Variants in CD38 observed in about 807,000 individuals in gnomAD.
The protein encoded by CD38 is CD38 molecule.
In CD38, 31 loss-of-function variants were observed where a neutral mutation model predicts 36.3. The ratio of observed to expected loss-of-function variants is 0.85; its 90% CI spans 0.64 to 1.15. CD38 has a LOEUF of 1.15. Among genes scored for constraint, CD38 ranks in the 50% most tolerant of loss-of-function variants. The pLI, the probability that CD38 is intolerant of heterozygous loss-of-function variation, is 0.00. For synonymous variants in CD38, 131 were observed against 135.2 expected, an observed-to-expected ratio of 0.97 and a Z score of 0.22; for missense variants, 380 against 371.9, an observed-to-expected ratio of 1.02 and a Z score of -0.18.
intron 1 of CD38, among the ~76,000 whole-genome samples, chr4:15,805,412 C>T (rs975015777): frequency 1.3e-5 from 2 of 152,108 alleles, no homozygotes; most frequent in African/African-American, 4.8e-5. Context: ...TTTAATGCCA[C>T]CCTATTTAAT....
intron 4 of CD38, among the ~76,000 whole-genome samples, chr4:15,834,507 C>T (rs1164744175): frequency 1.3e-5 from 2 of 152,206 alleles, no homozygotes; most frequent in South Asian, 4.1e-4. Flanking sequence ...GGTCCATGGG[C>T]TCCAGTTGCA....
rs1297481310 is a variant in CD38, at chr4:15,851,138, GA to G, written c.*2537del. 6.6e-6 allele frequency: 1 copy of G among 152,362 alleles called. No homozygotes were observed. The highest frequency in any genetic ancestry group is 1.5e-5 in the Non-Finnish European group (1 of 68,214). 9.4% of individuals were successfully genotyped at this position (152,362 alleles called of 1,614,324 possible). A position where few individuals can be genotyped will look rare whatever the true frequency, so the allele number is the denominator to read the frequency against. ...GGTCCCAGGGAGCCACAGAGGTGGT[GA>G]GGGGCTGGGTGCTCTTTTCTCCGTG... On this transcript the variant is annotated 3_prime_UTR_variant, in exon 8 of 8. Transcript: ENST00000226279.
At chr4:15,785,898 G>A (rs765053970) in intron 1 of CD38, among the ~76,000 whole-genome samples, 28 of 152,112 alleles carry the variant, frequency 1.8e-4, no homozygotes, top group East Asian at 1.9e-4. Flanking sequence ...GGACATGTTC[G>A]GAGTTTCTTC....
At chr4:15,825,249 AG>A (rs1723823337) in intron 3 of CD38, 1 of 447,172 alleles carries the variant, frequency 2.2e-6, no homozygotes, top group Admixed American at 3.8e-5. Flanking sequence ...TACAAGAAGT[AG>A]GGTACCAGCA....
At chr4:15,800,462 A>G (rs1487653699) in intron 1 of CD38, among the ~76,000 whole-genome samples, 1 of 152,192 alleles carries the variant, frequency 6.6e-6, no homozygotes, top group Non-Finnish European at 1.5e-5. Context: ...CCTTGTTAAC[A>G]TTTGGTATTG....
At chr4:15,780,327 T>G (rs1722663331) in intron 1 of CD38, among the ~76,000 whole-genome samples, 1 of 152,168 alleles carries the variant, frequency 6.6e-6, no homozygotes, top group Non-Finnish European at 1.5e-5. Context: ...TTTTCAACTT[T>G]TTTACTTAAG....
intron 1 of CD38, among the ~76,000 whole-genome samples, chr4:15,785,521 C>T (rs1336266663): frequency 6.8e-6 from 1 of 147,756 alleles, no homozygotes; most frequent in Non-Finnish European, 1.5e-5. Context: ...GGTGTTCAGC[C>T]TGGAGAACGT....
intron 1 of CD38, among the ~76,000 whole-genome samples, chr4:15,812,007 G>A (rs1445171587): frequency 6.6e-6 from 1 of 152,156 alleles, no homozygotes; most frequent in African/African-American, 2.4e-5. Context: ...GGCAGGAGAG[G>A]AATTTTTCTT....
chr4:15,786,867 C>T (rs1312008097), intron 1 of CD38, among the ~76,000 whole-genome samples: 1 of 152,240 alleles, frequency 6.6e-6, no homozygotes, highest in Non-Finnish European at 1.5e-5. Context: ...CTACAGGTCC[C>T]AAGCCCTGCC....
chr4:15,781,060 A>G lies in CD38; in HGVS notation c.233+2413A>G, dbSNP rs964184484. ...GAGGAGGAGGTAGCACTGAACCAAG[A>G]TCCAGCCTGGCCAAGAGAGTAAGAC... On this transcript the variant is annotated intron_variant, in intron 1 of 7. Coordinates refer to ENST00000226279, the MANE Select transcript of CD38 (RefSeq NM_001775.4). 8.5e-5 allele frequency among the ~76,000 whole-genome samples: 13 copies of G among 152,282 alleles called. 1 individual carries two copies. Among genetic ancestry groups the G allele is most frequent in the Admixed American group, 4.6e-4 (7 of 15,298 alleles).
chr4:15,825,418 G>A (rs993856554), intron 3 of CD38: 8 of 190,774 alleles, frequency 4.2e-5, no homozygotes, highest in Non-Finnish European at 6.6e-5. Flanking sequence ...AACTAGTAGA[G>A]TAAGAACTCA....
chr4:15,810,658 T>A (rs1434262875), intron 1 of CD38, among the ~76,000 whole-genome samples: 1 of 152,100 alleles, frequency 6.6e-6, no homozygotes, highest in East Asian at 1.9e-4. Context: ...GAAAACCAGG[T>A]TGATAATGGT....
At chr4:15,829,104 C>G (rs2148925680) in intron 3 of CD38, among the ~76,000 whole-genome samples, 1 of 152,104 alleles carries the variant, frequency 6.6e-6, no homozygotes, top group Admixed American at 6.5e-5. Flanking sequence ...TATTTGTTGG[C>G]CATTTGTATG....
chr4:15,780,009 C>A (rs1443593801), intron 1 of CD38, among the ~76,000 whole-genome samples: 2 of 152,198 alleles, frequency 1.3e-5, no homozygotes, highest in African/African-American at 4.8e-5. Flanking sequence ...AGACAGTGAT[C>A]TAGCTACTGA....
chr4:15,840,902 C>G (rs750384073), intron 7 of CD38, among the ~76,000 whole-genome samples: 8 of 152,110 alleles, frequency 5.3e-5, no homozygotes, highest in Non-Finnish European at 8.8e-5. Flanking sequence ...TTTGCTAAGC[C>G]CTTTCTCCCA....
Position 15,841,650 on chromosome 4 carries a change from G to A in CD38, c.839+1112G>A, listed in dbSNP as rs537876813. Among the ~76,000 whole-genome samples, 319 of 149,764 alleles carry A rather than the reference G, an allele frequency of 2.1e-3. 3 individuals carry two copies. Among genetic ancestry groups the A allele is most frequent in the Admixed American group, 0.013 (195 of 15,156 alleles). On this transcript the variant is annotated intron_variant, in intron 7 of 7. Coordinates refer to ENST00000226279, the MANE Select transcript of CD38 (RefSeq NM_001775.4). ...TTTCTGCATTTCCATCTGAGGTACCGGGTTCATCTCACTAGGGAGTGCCAG... is the reference window on the plus strand; with the variant it reads ...TTTCTGCATTTCCATCTGAGGTACCAGGTTCATCTCACTAGGGAGTGCCAG...
chr4:15,803,076 G>A (rs1723264084), intron 1 of CD38, among the ~76,000 whole-genome samples: 1 of 152,074 alleles, frequency 6.6e-6, no homozygotes, highest in Non-Finnish European at 1.5e-5. Context: ...TATTGCTGGG[G>A]AAACTGGATA....
intron 3 of CD38, among the ~76,000 whole-genome samples, chr4:15,829,691 T>C (rs539302414): frequency 3.0e-4 from 46 of 152,262 alleles, no homozygotes; most frequent in African/African-American, 1.0e-3. Context: ...ATAGGTCTTA[T>C]TCATTCTAAC....
chr4:15,786,998 C>T (rs903627322), intron 1 of CD38, among the ~76,000 whole-genome samples: 10 of 152,154 alleles, frequency 6.6e-5, no homozygotes, highest in East Asian at 1.9e-4. Flanking sequence ...CTTCACTGTC[C>T]GGGGCCTGCT....
Sources: gnomAD v4.1 joint callset for allele counts (sites outside exome capture counted in the v4.1 genomes callset) on GRCh38, gnomAD v4.1.1 for gene constraint, MANE v1.5 for transcripts, NCBI Gene and HGNC (gene_info 2026-07-23, HGNC 2026-07-21) for gene names.